Variants in TMEM98 observed in about 807,000 individuals in gnomAD.
TMEM98 encodes the protein transmembrane protein 98.
TMEM98 carries 18 observed loss-of-function variants against 25.0 expected under a neutral mutation model. The ratio of observed to expected loss-of-function variants is 0.72; its 90% CI spans 0.50 to 1.07. The LOEUF (loss-of-function observed/expected upper bound fraction) is 1.07. Ranked by LOEUF, TMEM98 falls within the 50% of genes least tolerant of loss-of-function variation. The pLI is 0.00. For synonymous variants in TMEM98, 103 were observed against 112.4 expected, an observed-to-expected ratio of 0.92 and a Z score of 0.53; for missense variants, 241 against 289.0, an observed-to-expected ratio of 0.83 and a Z score of 1.20.
chr17:32,931,412 A>T lies in TMEM98; in HGVS notation c.-55+10A>T. ...TTGCCACTTCCAGCAGGTAAGACCC[A>T]CCTGTCCCACTCTCTTTCGTGGCTT... On this transcript the variant is annotated intron_variant, in intron 2 of 7. Transcript: ENST00000579849. 7.0e-7 allele frequency: 1 copy of T among 1,432,042 alleles called. No homozygotes were observed. The highest frequency in any genetic ancestry group is 9.3e-7 in the Non-Finnish European group (1 of 1,072,202). The allele number at this position is 1,432,042 out of a possible 1,614,324, so 88.7% of individuals were successfully genotyped here.
At chr17:32,936,616 T>A (rs1000342429) in intron 6 of TMEM98, 169 bp downstream of exon 6, 1 of 627,882 alleles carries the variant, frequency 1.6e-6, no homozygotes, top group East Asian at 2.8e-5. Context: ...ATACCGAGAC[T>A]TCTCAGCTAA....
In TMEM98 at chr17:32,931,294, G is replaced by T. The variant is rs144785507; in HGVS notation, c.-130-33G>T. 1.4e-4 allele frequency: 63 copies of T among 441,522 alleles called. No homozygotes were observed. The East Asian group carries it at 2.4e-3, about 17-fold the overall frequency. 27.4% of individuals were successfully genotyped at this position (441,522 alleles called of 1,614,324 possible). ...TGAGAAAGGAAAAGGCAAATTTGGGGCATGGCATAAATTTTACCTTGGTTC... is the reference window on the plus strand; with the variant it reads ...TGAGAAAGGAAAAGGCAAATTTGGGTCATGGCATAAATTTTACCTTGGTTC... On this transcript the variant is annotated intron_variant, in intron 1 of 7. Transcript: ENST00000579849.
rs1200820038 is a variant in TMEM98, at chr17:32,943,383, G to A, written c.*2390G>A. 1 of 152,212 alleles carries A rather than the reference G, an allele frequency of 6.6e-6. No homozygotes were observed. Among genetic ancestry groups the A allele is most frequent in the Non-Finnish European group, 1.5e-5 (1 of 68,056 alleles). 9.4% of individuals were successfully genotyped at this position (152,212 alleles called of 1,614,324 possible). A position where few individuals can be genotyped will look rare whatever the true frequency, so the allele number is the denominator to read the frequency against. ...CCTCCCTTGGAAGGGGCTGGTTAGT[G>A]AGTGCCAGGGATCTCAGGACTGTCT... On this transcript the variant is annotated 3_prime_UTR_variant, in exon 8 of 8. Transcript: ENST00000579849.
chr17:32,934,414 A>T, intron 5 of TMEM98, 90 bp downstream of exon 5: 1 of 1,468,830 alleles, frequency 6.8e-7, no homozygotes, highest in South Asian at 1.2e-5. Context: ...TAGAAAGGGC[A>T]CTGACCTCTC....
chr17:32,936,908 A>G (rs1269028426), intron 6 of TMEM98, among the ~76,000 whole-genome samples: 2 of 152,250 alleles, frequency 1.3e-5, no homozygotes, highest in Non-Finnish European at 2.9e-5. Context: ...GGCCCAGGCC[A>G]GCAGCCTCCA....
chr17:32,939,536 G>A lies in TMEM98; in HGVS notation c.473G>A (p.Arg158Gln). Residue 158 changes from arginine (R) to glutamine (Q), a missense_variant and splice_region_variant, in exon 7 of 8, where the codon CGG becomes CAG. Physicochemically the swap from Arg to Gln is conservative, Grantham distance 43. Transcript: ENST00000579849. ...TTGGACCCCAAACTCCTGGACGCAC[G>A]GTGAGACCAGGGGTGGGTGCATGTT... ...PPLDPKLLDA[R>Q]TTALLLSVSH... The A allele has an allele frequency of 1.9e-6, 3 of 1,614,086 alleles. No individual in the cohort carries two copies. The highest frequency in any genetic ancestry group is 1.7e-6 in the Non-Finnish European group (2 of 1,179,938).
chr17:32,932,435 G>C (rs1025923685), intron 3 of TMEM98, among the ~76,000 whole-genome samples: 2 of 152,082 alleles, frequency 1.3e-5, no homozygotes, highest in East Asian at 3.9e-4. Context: ...CATTGTATGT[G>C]AAATATATTT....
intron 1 of TMEM98, chr17:32,930,935 CTCACGCGTGTAA>C (rs1378769559): frequency 6.6e-6 from 1 of 152,172 alleles, no homozygotes; most frequent in Non-Finnish European, 1.5e-5. Flanking sequence ...GGCTCGGTGT[CTCACGCGTGTAA>C]TCCCAGCACT....
rs1444280095 is a variant in TMEM98 at position 32,928,971 on chromosome 17, A to G, written c.-131+734A>G. Among the ~76,000 whole-genome samples the G allele has an allele frequency of 5.4e-5, 8 of 147,044 alleles. 1 individual carries two copies. The highest frequency in any genetic ancestry group is 5.3e-4 in the Admixed American group (8 of 15,046). ...ACATTCAGTTCACACACACTCAGAA[A>G]CACACTCCGAGAAACAGTTCACACT... On this transcript the variant is annotated intron_variant, in intron 1 of 7. Transcript: ENST00000579849.
In TMEM98 at chr17:32,942,727, C is replaced by T. The variant is rs1439140907; in HGVS notation, c.*1734C>T. 1.3e-5 allele frequency: 2 copies of T among 152,168 alleles called. No homozygotes were observed. Among genetic ancestry groups the T allele is most frequent in the Admixed American group, 6.5e-5 (1 of 15,268 alleles). 9.4% of individuals were successfully genotyped at this position (152,168 alleles called of 1,614,324 possible). On this transcript the variant is annotated 3_prime_UTR_variant, in exon 8 of 8. Transcript: ENST00000579849. ...GGTGGCTTCCATCAACTCTTAAAAA[C>T]GTTAAGTGGTGAACTTTCCCGTCCT...
intron 3 of TMEM98, 133 bp downstream of exon 3, chr17:32,931,792 C>T: frequency 1.7e-6 from 2 of 1,155,082 alleles, no homozygotes; most frequent in South Asian, 3.2e-5. Context: ...GGTGTCCTTC[C>T]CTGTAAAGAC....
At chr17:32,934,897 T>A (rs191882791) in intron 5 of TMEM98, among the ~76,000 whole-genome samples, 2 of 152,342 alleles carry the variant, frequency 1.3e-5, no homozygotes, top group Admixed American at 6.5e-5. Flanking sequence ...TGCATCCAAT[T>A]TGCATTTTGG....
chr17:32,934,369 G>A, intron 5 of TMEM98, 45 bp downstream of exon 5: 2 of 1,607,784 alleles, frequency 1.2e-6, no homozygotes, highest in Non-Finnish European at 1.7e-6. Flanking sequence ...TAGTCGAAAA[G>A]CACCACTGTG....
At chr17:32,939,418 A>AT in intron 6 of TMEM98, 59 bp from the exon 7 acceptor site, 1 of 1,475,642 alleles carries the variant, frequency 6.8e-7, no homozygotes. Flanking sequence ...GGAAAAAAAA[A>AT]AAAAGGAGAA....
At chr17:32,928,457 C>T (rs556992936) in intron 1 of TMEM98, among the ~76,000 whole-genome samples, 1 of 149,398 alleles carries the variant, frequency 6.7e-6, no homozygotes, top group East Asian at 2.0e-4. Flanking sequence ...GGGGTCCCTC[C>T]CTCCCGGGGA....
In TMEM98 at chr17:32,933,156, G is replaced by A. The variant is rs751899282; in HGVS notation, c.132-18G>A. 1.9e-5 allele frequency: 30 copies of A among 1,613,528 alleles called. No homozygotes were observed. The South Asian group carries it at 2.2e-4, about 12-fold the overall frequency. Reference sequence around the variant, plus strand: ...GTCACCCACCATGAAACCATTTAACGGGGGCCTTTTCTTCCAGGCCCATTG... The same window carrying A: ...GTCACCCACCATGAAACCATTTAACAGGGGCCTTTTCTTCCAGGCCCATTG... On this transcript the variant is annotated intron_variant, in intron 3 of 7. Coordinates refer to ENST00000579849, the MANE Select transcript of TMEM98 (RefSeq NM_015544.3).
chr17:32,934,672 G>A (rs76845877), intron 5 of TMEM98, among the ~76,000 whole-genome samples: 10,445 of 152,194 alleles, frequency 0.069, 489 homozygotes, highest in Non-Finnish European at 0.093. Context: ...GCTTCCCCCT[G>A]CACACTCATT....
chr17:32,939,363 C>G lies in TMEM98; in HGVS notation c.414-114C>G, dbSNP rs890575887. 3.9e-5 allele frequency: 41 copies of G among 1,046,656 alleles called. No homozygotes were observed. In the East Asian group the frequency reaches 9.8e-4, roughly 25 times the overall value. 64.8% of individuals were successfully genotyped at this position (1,046,656 alleles called of 1,614,324 possible). A position where few individuals can be genotyped will look rare whatever the true frequency, so the allele number is the denominator to read the frequency against. On this transcript the variant is annotated intron_variant, in intron 6 of 7. Transcript: ENST00000579849. ...TGGATGTTGCAGTGAGCTGAGATAG[C>G]ACCACTGCACTCCAGCCTGGGTGAC...
intron 1 of TMEM98, among the ~76,000 whole-genome samples, chr17:32,928,452 C>T (rs868163054): frequency 1.0e-4 from 15 of 147,862 alleles, no homozygotes; most frequent in African/African-American, 3.4e-4. Context: ...GGCTGGGGGT[C>T]CCTCCCTCCC....
Sources: gnomAD v4.1 joint callset for allele counts (sites outside exome capture counted in the v4.1 genomes callset) on GRCh38, gnomAD v4.1.1 for gene constraint, MANE v1.5 for transcripts, NCBI Gene and HGNC (gene_info 2026-07-23, HGNC 2026-07-21) for gene names.